Variants in BAZ1B observed in about 807,000 individuals in gnomAD.
BAZ1B encodes tyrosine-protein kinase BAZ1B.
In BAZ1B, 22 loss-of-function variants were observed where a neutral mutation model predicts 153.8. That is an observed-to-expected ratio of 0.14 (90% CI 0.10 to 0.20). The LOEUF (loss-of-function observed/expected upper bound fraction) is 0.20. Among genes scored for constraint, BAZ1B ranks in the 10% least tolerant of loss-of-function variants. The pLI is 1.00. For synonymous variants in BAZ1B, 676 were observed against 633.4 expected (o/e 1.07, Z -1.01); for missense variants, 1,325 against 1,799.3 (o/e 0.74, Z 4.77).
At chr7:73,501,678 C>T (rs1170361597) in intron 3 of BAZ1B, among the ~76,000 whole-genome samples, 1 of 152,056 alleles carries the variant, frequency 6.6e-6, no homozygotes, top group Non-Finnish European at 1.5e-5. Flanking sequence ...TGTCTAAAGG[C>T]CTTCACACAC....
At position 73,477,090 on chromosome 7, in the gene BAZ1B, T is replaced by C; in HGVS notation, c.2371A>G (p.Lys791Glu). 6.2e-7 allele frequency: 1 copy of C among 1,614,218 alleles called. No homozygotes were observed. Among genetic ancestry groups the C allele is most frequent in the Non-Finnish European group, 8.5e-7 (1 of 1,180,036 alleles). Residue 791 changes from lysine to glutamate, a missense_variant, in exon 7 of 20, where the codon AAG becomes GAG. Coordinates refer to ENST00000339594, the MANE Select transcript of BAZ1B (RefSeq NM_032408.4). This position sits in a 1 kb window ranked among gnomAD's most constrained non-coding sequence, Gnocchi z 5.6. ...LAVLKEENDK[K>E]RAEKQKRKEM... ...TTCCGTTTCTGTTTCTCTGCTCTCTTCTTATCATTTTCTTCCTTCAACACA... is the reference window on the plus strand; with the variant it reads ...TTCCGTTTCTGTTTCTCTGCTCTCTCCTTATCATTTTCTTCCTTCAACACA...
chr7:73,486,735 C>G (rs6962877), intron 6 of BAZ1B, among the ~76,000 whole-genome samples: 244 of 152,272 alleles, frequency 1.6e-3, no homozygotes, highest in African/African-American at 5.6e-3. Flanking sequence ...AAAGAGTATA[C>G]AGAGAGAGAA....
Position 73,450,724 on chromosome 7 carries a change from G to A in BAZ1B, c.3580+123C>T. The A allele has an allele frequency of 8.4e-7, 1 of 1,195,392 alleles. No individual in the cohort carries two copies. Among genetic ancestry groups the A allele is most frequent in the Non-Finnish European group, 1.2e-6 (1 of 850,242 alleles). 74.0% of individuals were successfully genotyped at this position (1,195,392 alleles called of 1,614,324 possible). ...TGGCATGTTACAGACCTGCAGGAGA[G>A]TAAAATCTATACCACACTTATATTC... On this transcript the variant is annotated intron_variant, in intron 14 of 19. Transcript: ENST00000339594. The surrounding 1 kb of genome is among the most constrained non-coding windows in gnomAD (Gnocchi z 4.1).
rs933618596 is a variant in BAZ1B at position 73,468,519 on chromosome 7, A to C, written c.2866+998T>G. ...TATTTTTTTAATTAAAATTTGTTTT[A>C]TTTCTTTCTTGAAATATACTCAATA... On this transcript the variant is annotated intron_variant, in intron 9 of 19. Coordinates refer to ENST00000339594, the MANE Select transcript of BAZ1B (RefSeq NM_032408.4). Among the ~76,000 whole-genome samples the C allele has an allele frequency of 4.9e-4, 74 of 152,106 alleles. 1 individual carries two copies. The highest frequency in any genetic ancestry group is 5.2e-4 in the Admixed American group (8 of 15,266).
At chr7:73,451,865 T>C (rs1788035990) in intron 13 of BAZ1B, among the ~76,000 whole-genome samples, 1 of 152,216 alleles carries the variant, frequency 6.6e-6, no homozygotes, top group Admixed American at 6.5e-5. Context: ...ATTCTCTTCT[T>C]GAGAGGATAA....
intron 9 of BAZ1B, 81 bp from the exon 10 acceptor site, chr7:73,466,482 A>C (rs1788590388): frequency 5.7e-6 from 5 of 883,952 alleles, no homozygotes; most frequent in African/African-American, 3.3e-5. Context: ...ACAGTGCCAA[A>C]CTCAACAATT....
chr7:73,459,491 A>C (rs782760414), intron 13 of BAZ1B, 45 bp downstream of exon 13: 1 of 1,580,314 alleles, frequency 6.3e-7, no homozygotes, highest in South Asian at 1.1e-5. Context: ...AACCAAATCA[A>C]CTCATCTACG....
rs1788549510 is a variant in BAZ1B, at chr7:73,465,493, C to G, written c.3017G>C (p.Cys1006Ser). The G allele has an allele frequency of 6.2e-7, 1 of 1,610,426 alleles. No individual in the cohort carries two copies. Among genetic ancestry groups the G allele is most frequent in the Non-Finnish European group, 8.5e-7 (1 of 1,178,510 alleles). ...TTCTCTTATTCCCTGAGGGTGAAGACAGTTTAGCAACTCATCCAGCTCCTT... is the reference window on the plus strand; with the variant it reads ...TTCTCTTATTCCCTGAGGGTGAAGAGAGTTTAGCAACTCATCCAGCTCCTT... ...SQKELDELLN[C>S]LHPQGIRESQ... is the part of the protein sequence containing the mutation. The change falls in exon 11 of 20, where the codon TGT (cysteine) becomes TCT (serine). Residue 1006 changes from cysteine (C) to serine (S), a missense_variant. Physicochemically the swap from Cys to Ser is moderately radical, Grantham distance 112 (BLOSUM62 -1). This residue lies in a region of BAZ1B where 431 missense variants were observed against 563.5 expected (regional missense o/e 0.76). Coordinates refer to ENST00000339594, the MANE Select transcript of BAZ1B (RefSeq NM_032408.4).
intron 2 of BAZ1B, among the ~76,000 whole-genome samples, chr7:73,509,247 G>A (rs782797654): frequency 5.4e-5 from 8 of 148,926 alleles, no homozygotes; most frequent in Non-Finnish European, 8.9e-5. Flanking sequence ...ACTTGAACAC[G>A]GGAAGCGAAG....
chr7:73,508,589 T>C (rs1790440911), intron 2 of BAZ1B, 118 bp from the exon 3 acceptor site: 2 of 1,227,450 alleles, frequency 1.6e-6, no homozygotes, highest in Non-Finnish European at 2.2e-6. Context: ...TTTATCGCTC[T>C]GTCACCAAGG....
At chr7:73,491,097 C>T (rs1343061414) in intron 5 of BAZ1B, among the ~76,000 whole-genome samples, 1 of 151,672 alleles carries the variant, frequency 6.6e-6, no homozygotes, top group Non-Finnish European at 1.5e-5. Context: ...ACCAGCCTGG[C>T]CAACATAGTG....
chr7:73,515,882 C>A (rs547781502), intron 1 of BAZ1B, among the ~76,000 whole-genome samples: 1 of 152,204 alleles, frequency 6.6e-6, no homozygotes, highest in South Asian at 2.1e-4. Context: ...TGGTGGCTCA[C>A]GCCTGTAATC....
chr7:73,445,888 CA>C (rs1433764078), intron 16 of BAZ1B, among the ~76,000 whole-genome samples: 3 of 152,232 alleles, frequency 2.0e-5, no homozygotes, highest in Admixed American at 6.5e-5. Context: ...AATATGTTCC[CA>C]AACAAAGGTG....
chr7:73,479,671 A>G (rs1236607000), intron 6 of BAZ1B, among the ~76,000 whole-genome samples: 2 of 152,072 alleles, frequency 1.3e-5, no homozygotes, highest in Non-Finnish European at 2.9e-5. Flanking sequence ...TTACATTTTC[A>G]CCATCCTAAC....
At chr7:73,474,412 GA>G (rs1361238358) in intron 7 of BAZ1B, among the ~76,000 whole-genome samples, 1 of 152,106 alleles carries the variant, frequency 6.6e-6, no homozygotes, top group Non-Finnish European at 1.5e-5. Flanking sequence ...AGTAACAAAA[GA>G]ATAAATAGAT....
intron 15 of BAZ1B, among the ~76,000 whole-genome samples, chr7:73,448,890 T>C (rs572959269): frequency 1.4e-4 from 22 of 152,160 alleles, no homozygotes; most frequent in Non-Finnish European, 2.8e-4. Context: ...GATCTTTGCT[T>C]TGTGTACAGC....
At position 73,462,992 on chromosome 7, in the gene BAZ1B, A is replaced by G. The variant is rs1554570616; in HGVS notation, c.3179T>C (p.Ile1060Thr). The G allele has an allele frequency of 6.2e-7, 1 of 1,614,068 alleles. No homozygotes were observed. Among genetic ancestry groups the G allele is most frequent in the Non-Finnish European group, 8.5e-7 (1 of 1,179,982 alleles). The change falls in exon 12 of 20, where the codon ATT (isoleucine) becomes ACT (threonine). Residue 1060 changes from isoleucine (I) to threonine (T), a missense_variant. Physicochemically the swap from Ile to Thr is moderately conservative, Grantham distance 89. Coordinates refer to ENST00000339594, the MANE Select transcript of BAZ1B (RefSeq NM_032408.4). ...TTTTTGTAACCTTGTTGCAACTTCA[A>G]TGAGATCACTACGAAGGAAGTTTAA... ...ELLNFLRSDL[I>T]EVATRLQKGG...
rs1554567696 is a variant in BAZ1B at position 73,449,662 on chromosome 7, T to C, written c.3608A>G (p.Asp1203Gly). The change falls in exon 15 of 20, where the codon GAT (aspartate) becomes GGT (glycine). Residue 1203 changes from aspartate (D) to glycine (G), a missense_variant. Asp to Gly is a moderately conservative substitution (Grantham distance 94). Around this residue, in one of 9 missense-constraint regions of BAZ1B, gnomAD observed 21 missense variants for 58.3 expected, o/e 0.36. Transcript: ENST00000339594. ...CAGGTGGAAGGCTTTATTACACTCA[T>C]CACACAAGATCAATTTGTCATCCTC... The part of the protein sequence containing the change: ...KGEDDKLILC[D>G]ECNKAFHLFC... The C allele has an allele frequency of 6.2e-7, 1 of 1,614,064 alleles. No homozygotes were observed. The highest frequency in any genetic ancestry group is 2.2e-5 in the East Asian group (1 of 44,870).
chr7:73,493,668 C>G (rs190802242), intron 4 of BAZ1B, among the ~76,000 whole-genome samples: 5 of 151,802 alleles, frequency 3.3e-5, no homozygotes, highest in African/African-American at 1.2e-4. Flanking sequence ...TGGTGAAACC[C>G]TGTCTCTATA....
Sources: allele counts gnomAD v4.1 joint callset (sites outside exome capture counted in the v4.1 genomes callset), GRCh38; gene constraint gnomAD v4.1.1; regional missense constraint gnomAD v4.1.1; non-coding constraint Gnocchi (gnomAD v3.1); transcripts MANE v1.5; gene names NCBI Gene and HGNC (gene_info 2026-07-23, HGNC 2026-07-21).